The following CDH2 variants were observed in gnomAD, a reference collection of about 807,000 sequenced individuals.
The protein encoded by CDH2 is cadherin 2, also known as cadherin-2.
A neutral mutation model predicts 92.0 loss-of-function variants in CDH2; 17 were observed. That is an observed-to-expected ratio of 0.18 (90% CI 0.13 to 0.28). The LOEUF is 0.28. CDH2 is among the 10% of genes least tolerant of loss of function. CDH2 has a pLI of 1.00. For synonymous variants in CDH2, 419 were observed against 415.9 expected (o/e 1.01, Z -0.09); for missense variants, 862 against 1,133.1 (o/e 0.76, Z 3.44).
At chr18:28,094,524 G>A (rs1269308563) in intron 2 of CDH2, among the ~76,000 whole-genome samples, 3 of 151,744 alleles carry the variant, frequency 2.0e-5, no homozygotes, top group Non-Finnish European at 4.4e-5. Context: ...GCCAGGTGCG[G>A]TGGCTCACGC....
chr18:27,947,020 T>C (rs1163197892), downstream of CDH2, among the ~76,000 whole-genome samples: 3 of 151,744 alleles, frequency 2.0e-5, no homozygotes, highest in African/African-American at 7.3e-5. Flanking sequence ...CTTCCTATTA[T>C]AGTCAGGAAT....
At chr18:28,104,692 ATATCTATCTATCTATC>A (rs5823586) in intron 2 of CDH2, among the ~76,000 whole-genome samples, 1 of 148,460 alleles carries the variant, frequency 6.7e-6, no homozygotes, top group Non-Finnish European at 1.5e-5. Flanking sequence ...ATGCAAATAC[ATATCTATCTATCTATC>A]TATCTATCTA....
At position 28,103,972 on chromosome 18, in the gene CDH2, C is replaced by G. The variant is rs536905801; in HGVS notation, c.172+43701G>C. Among the ~76,000 whole-genome samples, 7 of 152,230 alleles carry G rather than the reference C, an allele frequency of 4.6e-5. No individual in the cohort carries two copies. The South Asian group carries it at 1.2e-3, about 27-fold the overall frequency. On this transcript the variant is annotated intron_variant, in intron 2 of 15. Transcript: ENST00000269141. ...AATGGGTGACACAGTATGAATACCA[C>G]TGGCCCAGGAGAAGTTGGGGCACCA...
In CDH2 at chr18:28,011,897, T is replaced by G; in HGVS notation, c.495A>C (p.Pro165=). Residue 165 remains proline, a synonymous_variant, in exon 4 of 16, where the codon CCA becomes CCC. Coordinates refer to ENST00000269141, the MANE Select transcript of CDH2 (RefSeq NM_001792.5). ...CCCTGGAGTTTTCTGGCAAGTTGAT[T>G]GGAGGGATGACCCAGTCTCTCTTCT... ...QRQKRDWVIP[P]INLPENSRGP... The G allele has an allele frequency of 6.2e-7, 1 of 1,614,022 alleles. No homozygotes were observed. Among genetic ancestry groups the G allele is most frequent in the Non-Finnish European group, 8.5e-7 (1 of 1,179,938 alleles).
intron 1 of CDH2, among the ~76,000 whole-genome samples, chr18:28,162,059 T>C (rs1274400602): frequency 6.6e-6 from 1 of 152,220 alleles, no homozygotes; most frequent in Non-Finnish European, 1.5e-5. Context: ...TAATAAATGT[T>C]GTAATTTTGG....
chr18:28,018,265 C>T (rs1364186955), intron 2 of CDH2, among the ~76,000 whole-genome samples: 2 of 151,816 alleles, frequency 1.3e-5, no homozygotes, highest in African/African-American at 2.4e-5. Flanking sequence ...ACATACCATG[C>T]TCATGGATGG....
At chr18:28,162,174 T>C (rs1445371058) in intron 1 of CDH2, among the ~76,000 whole-genome samples, 1 of 152,160 alleles carries the variant, frequency 6.6e-6, no homozygotes, top group African/African-American at 2.4e-5. Context: ...CTACAAAGTC[T>C]CAATCTTACT....
intron 8 of CDH2, 46 bp from the exon 9 acceptor site, chr18:27,992,886 G>C (rs2012467570): frequency 6.9e-7 from 1 of 1,458,972 alleles, no homozygotes; most frequent in Admixed American, 1.8e-5. Flanking sequence ...ATGGACCACT[G>C]AAGGACAACT....
At chr18:28,173,344 T>C (rs759864073) in intron 1 of CDH2, among the ~76,000 whole-genome samples, 2 of 152,118 alleles carry the variant, frequency 1.3e-5, no homozygotes, top group African/African-American at 4.8e-5. Flanking sequence ...CAAAGAAATA[T>C]ACATAACTGT....
intron 5 of CDH2, among the ~76,000 whole-genome samples, chr18:28,006,968 T>C (rs576164770): frequency 2.0e-5 from 3 of 150,980 alleles, no homozygotes; most frequent in Non-Finnish European, 4.4e-5. Flanking sequence ...GGTCAGGAGT[T>C]CGAGATCAGC....
At chr18:27,988,715 A>C in intron 10 of CDH2, 49 bp from the exon 11 acceptor site, 2 of 1,414,268 alleles carry the variant, frequency 1.4e-6, no homozygotes, top group Non-Finnish European at 2.0e-6. Context: ...ACTTTAAAAA[A>C]ACATATTTTA....
intron 2 of CDH2, among the ~76,000 whole-genome samples, chr18:28,062,359 ACTT>A (rs1321475072): frequency 1.3e-5 from 2 of 152,200 alleles, no homozygotes; most frequent in Admixed American, 1.3e-4. Flanking sequence ...AAAACATATA[ACTT>A]CTTCAACTAA....
At chr18:28,011,795 A>C (rs766712166) in intron 4 of CDH2, 51 bp downstream of exon 4, 15 of 1,542,594 alleles carry the variant, frequency 9.7e-6, no homozygotes, top group Non-Finnish European at 1.3e-5. Flanking sequence ...AAATATTTTT[A>C]ACATACATTT....
chr18:28,175,950 A>C (rs936928874), intron 1 of CDH2, among the ~76,000 whole-genome samples: 1 of 152,162 alleles, frequency 6.6e-6, no homozygotes, highest in Non-Finnish European at 1.5e-5. Context: ...GGCTGTGTGA[A>C]GTGGCCTCCA....
rs1410718456 is a variant in CDH2 at position 28,177,037 on chromosome 18, G to A, written c.-15C>T. The stretch of plus-strand genomic sequence containing the variant: ...ATCCGGCACATGGAGGCGGAGAGGG[G>A]CCGAGCGAAGAGCCGGAGGAGGCGG... On this transcript the variant is annotated 5_prime_UTR_variant, in exon 1 of 16. Coordinates refer to ENST00000269141, the MANE Select transcript of CDH2 (RefSeq NM_001792.5). The A allele has an allele frequency of 7.4e-6, 11 of 1,487,640 alleles. No homozygotes were observed. The highest frequency in any genetic ancestry group is 2.8e-5 in the East Asian group (1 of 36,228). The allele number at this position is 1,487,640 out of a possible 1,614,324, so 92.2% of individuals were successfully genotyped here. A position where few individuals can be genotyped will look rare whatever the true frequency, so the allele number is the denominator to read the frequency against.
At chr18:27,998,785 A>AT (rs1344785381) in intron 7 of CDH2, among the ~76,000 whole-genome samples, 1 of 151,876 alleles carries the variant, frequency 6.6e-6, no homozygotes, top group African/African-American at 2.4e-5. Context: ...CGCCTGGCTA[A>AT]TTTTTTGTAT....
chr18:28,088,541 G>A (rs2014978837), intron 2 of CDH2, among the ~76,000 whole-genome samples: 1 of 152,142 alleles, frequency 6.6e-6, no homozygotes, highest in South Asian at 2.1e-4. Context: ...TTGCCTTTCA[G>A]CCTCATGTGC....
chr18:28,125,445 C>A, intron 2 of CDH2, among the ~76,000 whole-genome samples: 1 of 151,810 alleles, frequency 6.6e-6, no homozygotes, highest in East Asian at 1.9e-4. Flanking sequence ...AATTCACTTT[C>A]TTTTAAAAAA....
chr18:28,153,034 C>T (rs2016149674), intron 1 of CDH2, among the ~76,000 whole-genome samples: 1 of 152,072 alleles, frequency 6.6e-6, no homozygotes, highest in Admixed American at 6.6e-5. Flanking sequence ...ACTATAATGT[C>T]AGGAACAAAG....
Sources: gnomAD v4.1 joint callset for allele counts (sites outside exome capture counted in the v4.1 genomes callset) on GRCh38, gnomAD v4.1.1 for gene constraint, MANE v1.5 for transcripts, NCBI Gene and HGNC (gene_info 2026-07-23, HGNC 2026-07-21) for gene names.